Variants in NRXN3 observed in about 807,000 individuals in gnomAD.
NRXN3 encodes the protein neurexin III.
In NRXN3, 32 loss-of-function variants were observed where a neutral mutation model predicts 137.6. The ratio of observed to expected loss-of-function variants is 0.23; its 90% CI spans 0.18 to 0.31. NRXN3 has a LOEUF of 0.31. Ranked by LOEUF, NRXN3 falls within the 10% of genes least tolerant of loss-of-function variation. The pLI is 1.00. For synonymous variants in NRXN3, 798 were observed against 784.5 expected (o/e 1.02, Z -0.29); for missense variants, 1,574 against 2,062.5 (o/e 0.76, Z 4.59).
intron 4 of NRXN3, among the ~76,000 whole-genome samples, chr14:78,470,819 G>A (rs77277591): frequency 6.6e-6 from 1 of 151,990 alleles, no homozygotes; most frequent in Non-Finnish European, 1.5e-5. Flanking sequence ...TTTTATATGC[G>A]ATCCTCACAA....
At chr14:78,184,004 A>G (rs1027652770) in intron 1 of NRXN3, among the ~76,000 whole-genome samples, 2 of 152,184 alleles carry the variant, frequency 1.3e-5, no homozygotes, top group Admixed American at 6.5e-5. Context: ...TATTTATTTT[A>G]CAACAATTAA....
At chr14:78,227,010 T>C (rs4903729) in intron 1 of NRXN3, among the ~76,000 whole-genome samples, 106,785 of 152,096 alleles carry the variant, frequency 0.7, 38,166 homozygotes, top group African/African-American at 0.84. Flanking sequence ...ATCATATGCC[T>C]GTTGCAACTG....
intron 10 of NRXN3, among the ~76,000 whole-genome samples, chr14:78,924,275 G>A (rs972574133): frequency 8.5e-5 from 13 of 152,192 alleles, no homozygotes; most frequent in African/African-American, 2.9e-4. Context: ...ATACGTGTGA[G>A]TATAGTAGTG....
At chr14:79,545,346 C>A (rs1047631450) in intron 16 of NRXN3, among the ~76,000 whole-genome samples, 15 of 152,130 alleles carry the variant, frequency 9.9e-5, no homozygotes, top group African/African-American at 2.9e-4. Flanking sequence ...CACCTGCTTT[C>A]TTTGGCTCAT....
Position 79,329,517 on chromosome 14 carries a change from A to G in NRXN3, c.3263-137704A>G, listed in dbSNP as rs112180509. ...AAGCCATATGGTCTCTGTCTCAAGTATTTAGCTGTTGTACCATGAAGTGCG... is the reference window on the plus strand; with the variant it reads ...AAGCCATATGGTCTCTGTCTCAAGTGTTTAGCTGTTGTACCATGAAGTGCG... On this transcript the variant is annotated intron_variant, in intron 15 of 20. Coordinates refer to ENST00000335750, the MANE Select transcript of NRXN3 (RefSeq NM_001330195.2). Among the ~76,000 whole-genome samples the G allele has an allele frequency of 2.2e-3, 329 of 152,270 alleles. 1 individual carries two copies. The highest frequency in any genetic ancestry group is 7.3e-3 in the African/African-American group (304 of 41,548).
At chr14:79,346,868 C>A (rs2092913557) in intron 15 of NRXN3, among the ~76,000 whole-genome samples, 1 of 152,152 alleles carries the variant, frequency 6.6e-6, no homozygotes, top group African/African-American at 2.4e-5. Context: ...TTCATGAGGT[C>A]TGTGTTTCTG....
intron 16 of NRXN3, among the ~76,000 whole-genome samples, chr14:79,551,654 C>T (rs1207210745): frequency 1.3e-5 from 2 of 152,120 alleles, no homozygotes; most frequent in Non-Finnish European, 2.9e-5. Context: ...GGCGTGGACT[C>T]CAGTGTTTAG....
At position 79,534,448 on chromosome 14, in the gene NRXN3, A is replaced by G. The variant is rs540504290; in HGVS notation, c.3444+67046A>G. ...CAGTGTCTGGCCTAGAGGAGGCACT[A>G]TATCTATAGAACAAATAAACGAATG... On this transcript the variant is annotated intron_variant, in intron 16 of 20. Transcript: ENST00000335750. 3.3e-5 allele frequency among the ~76,000 whole-genome samples: 5 copies of G among 152,302 alleles called. No individual in the cohort carries two copies. In the South Asian group the frequency reaches 8.3e-4, roughly 25 times the overall value.
chr14:79,394,671 C>G (rs2094960540), intron 15 of NRXN3, among the ~76,000 whole-genome samples: 1 of 152,172 alleles, frequency 6.6e-6, no homozygotes, highest in Admixed American at 6.5e-5. Flanking sequence ...AGGGGCAGGA[C>G]TTGGCATCAG....
At chr14:78,762,505 A>G (rs751796644) in intron 8 of NRXN3, among the ~76,000 whole-genome samples, 6 of 152,102 alleles carry the variant, frequency 3.9e-5, no homozygotes, top group Non-Finnish European at 8.8e-5. Context: ...TACTGACTGT[A>G]TATTTTTGTA....
At chr14:78,925,344 C>T (rs1375064457) in intron 10 of NRXN3, among the ~76,000 whole-genome samples, 1 of 152,160 alleles carries the variant, frequency 6.6e-6, no homozygotes, top group Admixed American at 6.5e-5. Context: ...TTACATTCTT[C>T]TTGTATGAAC....
chr14:78,234,315 T>C (rs2065876842), intron 1 of NRXN3, among the ~76,000 whole-genome samples: 1 of 152,206 alleles, frequency 6.6e-6, no homozygotes, highest in Non-Finnish European at 1.5e-5. Context: ...AGGACAACAG[T>C]GGACAGCAAC....
chr14:78,176,561 GT>G (rs1158850892), intron 1 of NRXN3, among the ~76,000 whole-genome samples: 1 of 152,078 alleles, frequency 6.6e-6, no homozygotes, highest in African/African-American at 2.4e-5. Context: ...ATGTTATAGT[GT>G]TAGAGGAAAA....
chr14:79,230,760 A>G (rs747948621), intron 15 of NRXN3, among the ~76,000 whole-genome samples: 3 of 152,146 alleles, frequency 2.0e-5, no homozygotes, highest in Non-Finnish European at 4.4e-5. Context: ...ATTCTAAAGT[A>G]TAAAGAGGAC....
rs71131696 is a variant in NRXN3 at position 79,370,323 on chromosome 14, G to GTTT, written c.3263-96888_3263-96886dup. Among the ~76,000 whole-genome samples the GTTT allele has an allele frequency of 5.5e-3, 758 of 137,484 alleles. 6 individuals carry two copies. Among genetic ancestry groups the GTTT allele is most frequent in the African/African-American group, 0.019 (707 of 37,160 alleles). The allele number at this position is 137,484 out of a possible 152,430, so 90.2% of individuals were successfully genotyped here. A position where few individuals can be genotyped will look rare whatever the true frequency, so the allele number is the denominator to read the frequency against. Reference sequence around the variant, plus strand: ...TTTCTGTTTTTTTGGGTTTTTTTTTGTTTTTTTTTTTTGAGATGGAGTTTT... The same window carrying GTTT: ...TTTCTGTTTTTTTGGGTTTTTTTTTGTTTTTTTTTTTTTTTGAGATGGAGTTTT... On this transcript the variant is annotated intron_variant, in intron 15 of 20. Coordinates refer to ENST00000335750, the MANE Select transcript of NRXN3 (RefSeq NM_001330195.2).
At chr14:79,240,893 T>C (rs1355303827) in intron 15 of NRXN3, among the ~76,000 whole-genome samples, 2 of 152,166 alleles carry the variant, frequency 1.3e-5, no homozygotes, top group Non-Finnish European at 2.9e-5. Flanking sequence ...GCCATGCAGG[T>C]GCAGAATCTA....
At chr14:79,528,873 G>A (rs2097144984) in intron 16 of NRXN3, among the ~76,000 whole-genome samples, 1 of 152,014 alleles carries the variant, frequency 6.6e-6, no homozygotes, top group Admixed American at 6.6e-5. Flanking sequence ...GTATGATTTG[G>A]TTTCACACAG....
chr14:78,619,961 G>A (rs2097383913), intron 4 of NRXN3, among the ~76,000 whole-genome samples: 1 of 152,114 alleles, frequency 6.6e-6, no homozygotes, highest in South Asian at 2.1e-4. Flanking sequence ...ACCAGGCACC[G>A]AATCTGCCAG....
At chr14:78,253,863 C>A (rs73310322) in intron 2 of NRXN3, among the ~76,000 whole-genome samples, 31 of 125,272 alleles carry the variant, frequency 2.5e-4, no homozygotes, top group African/African-American at 9.4e-4. Flanking sequence ...CTTTTCAAGG[C>A]AGCCTAATGT....
Sources: gnomAD v4.1 joint callset for allele counts (sites outside exome capture counted in the v4.1 genomes callset) on GRCh38, gnomAD v4.1.1 for gene constraint, MANE v1.5 for transcripts, NCBI Gene and HGNC (gene_info 2026-07-23, HGNC 2026-07-21) for gene names.